The following CDH18 variants were observed in gnomAD, a reference collection of about 807,000 sequenced individuals.
CDH18 encodes the protein cadherin 18.
Under a neutral mutation model 67.9 loss-of-function variants are expected in CDH18, and 31 were observed. That is an observed-to-expected ratio of 0.46 (90% CI 0.34 to 0.62). The LOEUF (loss-of-function observed/expected upper bound fraction) is 0.62, where lower values mean the gene tolerates loss of function less well. Ranked by LOEUF, CDH18 falls within the 20% of genes least tolerant of loss-of-function variation. The pLI, the probability that CDH18 is intolerant of heterozygous loss-of-function variation, is 0.01. For missense variants in CDH18, 890 were observed against 975.5 expected, an observed-to-expected ratio of 0.91 and a Z score of 1.17; for synonymous variants, 362 against 347.2, an observed-to-expected ratio of 1.04 and a Z score of -0.48.
intron 1 of CDH18, among the ~76,000 whole-genome samples, chr5:20,434,993 AGT>A (rs1749062477): frequency 6.6e-6 from 1 of 152,006 alleles, no homozygotes; most frequent in Admixed American, 6.6e-5. Flanking sequence ...ATCTTCCTGG[AGT>A]GTCTTCAAGC....
chr5:20,546,559 G>A (rs1757355795), intron 1 of CDH18, among the ~76,000 whole-genome samples: 1 of 152,010 alleles, frequency 6.6e-6, no homozygotes, highest in African/African-American at 2.4e-5. Flanking sequence ...AGTGAGAGAA[G>A]GAAAGTGCCA....
intron 1 of CDH18, among the ~76,000 whole-genome samples, chr5:20,450,672 G>C (rs1053156991): frequency 2.0e-5 from 3 of 152,036 alleles, no homozygotes; most frequent in Non-Finnish European, 4.4e-5. Context: ...CATCTATATG[G>C]ATAGACAATT....
At chr5:20,466,446 A>G (rs1751638619) in intron 1 of CDH18, among the ~76,000 whole-genome samples, 1 of 152,100 alleles carries the variant, frequency 6.6e-6, no homozygotes, top group Non-Finnish European at 1.5e-5. Flanking sequence ...CTGCAGCTAA[A>G]TAAATTATGT....
chr5:20,459,327 T>C (rs907439662), intron 1 of CDH18, among the ~76,000 whole-genome samples: 4 of 152,220 alleles, frequency 2.6e-5, no homozygotes, highest in Non-Finnish European at 5.9e-5. Flanking sequence ...TGCAATTCCT[T>C]GAGAGTGACG....
At position 19,638,546 on chromosome 5, in the gene CDH18, GTT is replaced by G. The variant is rs67949388; in HGVS notation, c.644-25947_644-25946del. On this transcript the variant is annotated intron_variant, in intron 5 of 12. Coordinates refer to ENST00000382275, the MANE Select transcript of CDH18 (RefSeq NM_004934.5). Reference sequence around the variant, plus strand: ...TTTAATGTGTTTAAGTCTTTACTAAGTTTTTTTTTTCTTTTTTTTTTAATGAG... The same window carrying G: ...TTTAATGTGTTTAAGTCTTTACTAAGTTTTTTTTCTTTTTTTTTTAATGAG... Among the ~76,000 whole-genome samples, 265 of 149,430 alleles carry G rather than the reference GTT, an allele frequency of 1.8e-3. 1 individual carries two copies. Among genetic ancestry groups the G allele is most frequent in the African/African-American group, 6.0e-3 (244 of 40,544 alleles).
At chr5:20,356,863 A>G (rs1036762014) in intron 1 of CDH18, among the ~76,000 whole-genome samples, 1 of 147,734 alleles carries the variant, frequency 6.8e-6, no homozygotes, top group African/African-American at 2.6e-5. Flanking sequence ...ACACACATAC[A>G]TATATACTAT....
rs1303250451 is a variant in CDH18, at chr5:19,483,424, T to A, written c.1759A>T (p.Arg587Trp). Reference protein sequence around the residue: ...SLSSSSTLTIRVCACERDGRV... With the variant: ...SLSSSSTLTIWVCACERDGRV... ...CCATCTCTCTCGCATGCACAAACCC[T>A]GATGGTGAGGGTGCTGCTGCTGCTG... The change falls in exon 12 of 13, where the codon AGG becomes TGG. Residue 587 changes from arginine (R) to tryptophan (W), a missense_variant. By Grantham distance (101) the Arg-to-Trp change is moderately radical. This residue lies in a region of CDH18 where 656 missense variants were observed against 668.1 expected (regional missense o/e 0.98). Transcript: ENST00000382275. 6.2e-7 allele frequency: 1 copy of A among 1,613,982 alleles called. No individual in the cohort carries two copies. The highest frequency in any genetic ancestry group is 8.5e-7 in the Non-Finnish European group (1 of 1,180,020).
chr5:20,568,326 C>A (rs1327184605), intron 1 of CDH18, among the ~76,000 whole-genome samples: 2 of 152,084 alleles, frequency 1.3e-5, no homozygotes, highest in Non-Finnish European at 2.9e-5. Context: ...TTTGGAAAAC[C>A]TTTAGTATTC....
chr5:20,175,353 C>T (rs1433796976), intron 2 of CDH18, among the ~76,000 whole-genome samples: 1 of 152,048 alleles, frequency 6.6e-6, no homozygotes, highest in African/African-American at 2.4e-5. Context: ...CCTGCTGCCT[C>T]CTATTTTTCC....
At chr5:20,384,248 T>G (rs928886929) in intron 1 of CDH18, among the ~76,000 whole-genome samples, 8 of 152,060 alleles carry the variant, frequency 5.3e-5, no homozygotes, top group Non-Finnish European at 1.5e-5. Flanking sequence ...AACAACTCAT[T>G]TCCCCCCTTC....
chr5:20,224,760 T>C (rs991325112), intron 2 of CDH18, among the ~76,000 whole-genome samples: 61 of 152,068 alleles, frequency 4.0e-4, no homozygotes, highest in African/African-American at 1.4e-3. Context: ...GCCAGGACAT[T>C]TTCACTGTAA....
At chr5:20,397,137 T>C (rs1745350805) in intron 1 of CDH18, among the ~76,000 whole-genome samples, 3 of 152,038 alleles carry the variant, frequency 2.0e-5, no homozygotes, top group Non-Finnish European at 2.9e-5. Flanking sequence ...TTTTGTGGTG[T>C]TTGTTTGTTT....
intron 2 of CDH18, among the ~76,000 whole-genome samples, chr5:19,853,913 A>G (rs1337175337): frequency 1.3e-5 from 2 of 152,134 alleles, no homozygotes; most frequent in African/African-American, 4.8e-5. Flanking sequence ...TTTTTAGCCT[A>G]TGAAATCATA....
chr5:19,840,195 G>A (rs906780048), intron 2 of CDH18, among the ~76,000 whole-genome samples: 21 of 150,760 alleles, frequency 1.4e-4, no homozygotes, highest in African/African-American at 5.1e-4. Flanking sequence ...GTGAACCCGG[G>A]AGGTGGAGCT....
At chr5:20,231,037 G>A (rs1233985873) in intron 2 of CDH18, among the ~76,000 whole-genome samples, 3 of 152,126 alleles carry the variant, frequency 2.0e-5, no homozygotes, top group Non-Finnish European at 4.4e-5. Context: ...ATTGTATTCA[G>A]GTTGTTTCTT....
At chr5:19,796,686 T>A (rs879519817) in intron 3 of CDH18, among the ~76,000 whole-genome samples, 2 of 152,076 alleles carry the variant, frequency 1.3e-5, no homozygotes, top group African/African-American at 2.4e-5. Flanking sequence ...CTTTCCTTCA[T>A]GAGTTTTATC....
At chr5:20,559,481 G>A (rs146704545) in intron 1 of CDH18, among the ~76,000 whole-genome samples, 39 of 152,170 alleles carry the variant, frequency 2.6e-4, no homozygotes, top group Middle Eastern at 3.4e-3. Context: ...GGTATATAAT[G>A]TAGCACTTGT....
intron 2 of CDH18, among the ~76,000 whole-genome samples, chr5:20,218,280 TTTAAAAAA>T (rs1267043363): frequency 2.0e-5 from 3 of 151,900 alleles, no homozygotes; most frequent in African/African-American, 7.2e-5. Context: ...CAAAAAAAGT[TTTAAAAAA>T]TAAAAAATAT....
chr5:19,752,623 C>G (rs901770159), intron 3 of CDH18, among the ~76,000 whole-genome samples: 6 of 152,144 alleles, frequency 3.9e-5, no homozygotes, highest in African/African-American at 1.4e-4. Context: ...AGGGCATATA[C>G]TTTTGGGAGT....
Sources: allele counts gnomAD v4.1 joint callset (sites outside exome capture counted in the v4.1 genomes callset), GRCh38; gene constraint gnomAD v4.1.1; regional missense constraint gnomAD v4.1.1; transcripts MANE v1.5; gene names NCBI Gene and HGNC (gene_info 2026-07-23, HGNC 2026-07-21).